STARD13: variants seen among roughly 807,000 people sequenced by gnomAD.
The protein encoded by STARD13 is stAR-related lipid transfer protein 13.
STARD13 carries 62 observed loss-of-function variants against 106.4 expected under a neutral mutation model. That is an observed-to-expected ratio of 0.58 (90% CI 0.48 to 0.72). The LOEUF (loss-of-function observed/expected upper bound fraction) is 0.72. STARD13 is among the 30% of genes least tolerant of loss of function. The pLI is 0.00. For missense variants in STARD13, 1,387 were observed against 1,424.0 expected (o/e 0.97, Z 0.42); for synonymous variants, 565 against 553.0 (o/e 1.02, Z -0.31).
At chr13:33,254,802 G>T (rs1890261475) in intron 1 of STARD13, among the ~76,000 whole-genome samples, 1 of 152,154 alleles carries the variant, frequency 6.6e-6, no homozygotes, top group Non-Finnish European at 1.5e-5. Context: ...TTCAAGGGAA[G>T]ATCGTGTTCC....
intron 1 of STARD13, among the ~76,000 whole-genome samples, chr13:33,270,811 G>A (rs1032003214): frequency 6.6e-6 from 1 of 152,164 alleles, no homozygotes; most frequent in Non-Finnish European, 1.5e-5. Flanking sequence ...CTTATCCATA[G>A]TTTAGGCTGC....
chr13:33,358,496 T>C, the STARD13 span, among the ~76,000 whole-genome samples: 3 of 152,092 alleles, frequency 2.0e-5, no homozygotes, highest in African/African-American at 7.2e-5. Context: ...GGATTGTAAA[T>C]ACACCAATCA....
the STARD13 span, among the ~76,000 whole-genome samples, chr13:33,644,241 G>A: frequency 2.6e-5 from 4 of 152,234 alleles, 1 homozygote; most frequent in South Asian, 8.3e-4. Flanking sequence ...TTTCTTGGGT[G>A]TGTGACTTGG....
At chr13:33,314,146 C>A (rs560101066) in intron 1 of STARD13, among the ~76,000 whole-genome samples, 1 of 152,244 alleles carries the variant, frequency 6.6e-6, no homozygotes, top group East Asian at 1.9e-4. Flanking sequence ...TAAGGGCTGG[C>A]ACCTGGAGAG....
chr13:33,204,888 T>C (rs2138111879), intron 1 of STARD13, among the ~76,000 whole-genome samples: 1 of 152,374 alleles, frequency 6.6e-6, no homozygotes, highest in South Asian at 2.1e-4. Flanking sequence ...GCGCTTCCAC[T>C]TCTGGTTTGG....
At chr13:33,527,810 A>C in the STARD13 span, among the ~76,000 whole-genome samples, 1 of 151,854 alleles carries the variant, frequency 6.6e-6, no homozygotes, top group South Asian at 2.1e-4. Flanking sequence ...GCAAAGAAGA[A>C]TCTTACTCAG....
At chr13:33,510,595 C>A in the STARD13 span, among the ~76,000 whole-genome samples, 1 of 152,048 alleles carries the variant, frequency 6.6e-6, no homozygotes, top group Non-Finnish European at 1.5e-5. Flanking sequence ...AAAGCCAGGA[C>A]AATAAAAGCT....
intron 2 of STARD13, among the ~76,000 whole-genome samples, chr13:33,166,760 C>A (rs114115595): frequency 1.3e-5 from 2 of 151,906 alleles, no homozygotes; most frequent in Non-Finnish European, 2.9e-5. Flanking sequence ...TTAGGGAGGC[C>A]GAGGTGGGAA....
chr13:33,613,672 C>A, the STARD13 span, among the ~76,000 whole-genome samples: 1 of 152,166 alleles, frequency 6.6e-6, no homozygotes, highest in Non-Finnish European at 1.5e-5. Context: ...GGCTGTCAAA[C>A]TCTTGAAGGA....
At chr13:33,515,683 G>A in the STARD13 span, among the ~76,000 whole-genome samples, 10 of 152,102 alleles carry the variant, frequency 6.6e-5, no homozygotes, top group Non-Finnish European at 1.0e-4. Flanking sequence ...TTTATTTTGC[G>A]TGTCCAAGAA....
chr13:33,508,384 G>A, the STARD13 span, among the ~76,000 whole-genome samples: 8 of 152,134 alleles, frequency 5.3e-5, no homozygotes, highest in African/African-American at 1.4e-4. Flanking sequence ...CAATTACAGA[G>A]TAGCCAACAT....
At chr13:33,650,433 G>A in the STARD13 span, among the ~76,000 whole-genome samples, 86 of 151,404 alleles carry the variant, frequency 5.7e-4, no homozygotes, top group Non-Finnish European at 1.2e-3. Flanking sequence ...CTCGTGATCC[G>A]CCCGCCTCGG....
At chr13:33,645,005 G>A in the STARD13 span, among the ~76,000 whole-genome samples, 4 of 152,100 alleles carry the variant, frequency 2.6e-5, no homozygotes, top group African/African-American at 7.2e-5. Flanking sequence ...CAAATACTTT[G>A]GTAGTAGTTC....
At chr13:33,605,611 G>A in the STARD13 span, among the ~76,000 whole-genome samples, 448 of 152,210 alleles carry the variant, frequency 2.9e-3, 1 homozygote, top group African/African-American at 0.01. Flanking sequence ...GAAATAATTT[G>A]CTGATCAGTC....
the STARD13 span, among the ~76,000 whole-genome samples, chr13:33,429,966 G>A: frequency 2.4e-4 from 36 of 150,884 alleles, no homozygotes; most frequent in East Asian, 5.9e-3. Flanking sequence ...TGCCCAGGCT[G>A]GAGTGCAGTG....
the STARD13 span, among the ~76,000 whole-genome samples, chr13:33,399,700 C>CAAAA: frequency 2.2e-4 from 6 of 26,980 alleles, no homozygotes; most frequent in Admixed American, 5.3e-4. Context: ...GACTCTGTCT[C>CAAAA]AAAAAAAAAA....
chr13:33,668,132 CA>C, the STARD13 span, among the ~76,000 whole-genome samples: 1 of 152,300 alleles, frequency 6.6e-6, no homozygotes, highest in Admixed American at 6.5e-5. Flanking sequence ...AGAGGCTGCC[CA>C]ATTCGGGGAT....
At chr13:33,521,070 T>C in the STARD13 span, among the ~76,000 whole-genome samples, 2 of 152,196 alleles carry the variant, frequency 1.3e-5, no homozygotes, top group African/African-American at 4.8e-5. Context: ...CAACGCACAG[T>C]CCTAGCCCCA....
At chr13:33,192,731 T>C (rs959801570) in intron 1 of STARD13, among the ~76,000 whole-genome samples, 4 of 152,116 alleles carry the variant, frequency 2.6e-5, no homozygotes, top group African/African-American at 9.7e-5. Flanking sequence ...AAACGCCATC[T>C]CTACTAAAAA....
Sources: allele counts gnomAD v4.1 joint callset (sites outside exome capture counted in the v4.1 genomes callset), GRCh38; gene constraint gnomAD v4.1.1; transcripts MANE v1.5; gene names NCBI Gene and HGNC (gene_info 2026-07-23, HGNC 2026-07-21).